Variants in MECOM observed in about 807,000 individuals in gnomAD.
The protein encoded by MECOM is histone-lysine N-methyltransferase MECOM.
In MECOM, 13 loss-of-function variants were observed where a neutral mutation model predicts 116.3. The observed-to-expected ratio is 0.11, with a 90% confidence interval of 0.07 to 0.18. MECOM has a LOEUF of 0.18. Among genes scored for constraint, MECOM ranks in the 10% least tolerant of loss-of-function variants. MECOM has a pLI of 1.00. For synonymous variants in MECOM, 528 were observed against 535.2 expected (o/e 0.99, Z 0.19); for missense variants, 1,299 against 1,509.0 (o/e 0.86, Z 2.31).
At chr3:169,108,029 T>G in intron 9 of MECOM, 77 bp from the exon 10 acceptor site, 1 of 1,250,210 alleles carries the variant, frequency 8.0e-7, no homozygotes, top group Non-Finnish European at 1.2e-6. Flanking sequence ...CTTTGAGAAA[T>G]TAACATTTGT....
chr3:169,186,822 A>C (rs1403694671), intron 2 of MECOM, among the ~76,000 whole-genome samples: 1 of 152,106 alleles, frequency 6.6e-6, no homozygotes, highest in African/African-American at 2.4e-5. Context: ...TGAGAGAGGC[A>C]AGCAAAGGTG....
chr3:169,364,945 T>C (rs1728906159), intron 2 of MECOM, among the ~76,000 whole-genome samples: 1 of 152,084 alleles, frequency 6.6e-6, no homozygotes, highest in Admixed American at 6.6e-5. Context: ...TCATAATAAA[T>C]GTTTTCTAAC....
intron 2 of MECOM, among the ~76,000 whole-genome samples, chr3:169,347,914 C>T (rs1404856790): frequency 2.0e-5 from 3 of 151,988 alleles, no homozygotes; most frequent in Admixed American, 1.3e-4. Flanking sequence ...CTTGAGCAGT[C>T]TGCCATCCCA....
At chr3:169,127,531 T>C (rs1486773473) in intron 5 of MECOM, among the ~76,000 whole-genome samples, 2 of 152,294 alleles carry the variant, frequency 1.3e-5, no homozygotes, top group African/African-American at 4.8e-5. Context: ...ATATGATTAC[T>C]TTAATTTGTT....
intron 2 of MECOM, among the ~76,000 whole-genome samples, chr3:169,254,227 G>T (rs952542106): frequency 6.6e-6 from 1 of 152,090 alleles, no homozygotes; most frequent in African/African-American, 2.4e-5. Context: ...ATGTCGTAGG[G>T]AGTCAGTCTA....
chr3:169,479,147 T>C (rs1297941796), intron 1 of MECOM, among the ~76,000 whole-genome samples: 1 of 152,072 alleles, frequency 6.6e-6, no homozygotes, highest in African/African-American at 2.4e-5. Context: ...ATGTGATAAG[T>C]AGCAGGAGGA....
Position 169,378,482 on chromosome 3 carries a change from AG to A in MECOM, c.375+2704del, listed in dbSNP as rs1560197336. Among the ~76,000 whole-genome samples, 49 of 43,896 alleles carry A rather than the reference AG, an allele frequency of 1.1e-3. 2 individuals carry two copies. Among genetic ancestry groups the A allele is most frequent in the African/African-American group, 8.1e-3 (34 of 4,208 alleles). 28.8% of individuals were successfully genotyped at this position (43,896 alleles called of 152,430 possible). A position where few individuals can be genotyped will look rare whatever the true frequency, so the allele number is the denominator to read the frequency against. ...GCAAGCAAGCAAGCAAGCAAGAAAG[AG>A]AGAGAGAAAGAAAGAAAGAAAGAAA... On this transcript the variant is annotated intron_variant, in intron 2 of 16. Transcript: ENST00000651503.
rs1337161657 is a variant in MECOM, at chr3:169,433,653, G to GAAAGAAAGAA, written c.38-52139_38-52130dup. Among the ~76,000 whole-genome samples the GAAAGAAAGAA allele has an allele frequency of 6.4e-4, 83 of 130,102 alleles. 1 individual carries two copies. The highest frequency in any genetic ancestry group is 2.4e-3 in the African/African-American group (79 of 33,486). The allele number at this position is 130,102 out of a possible 152,430, so 85.4% of individuals were successfully genotyped here. ...AGAAAGAGAAAGAGAAAGAAAGAAA[G>GAAAGAAAGAA]AAAGAAAGAAAGAAAGAAAGAAAGA... is the stretch of plus-strand genomic sequence containing the variant. On this transcript the variant is annotated intron_variant, in intron 1 of 16. Coordinates refer to ENST00000651503, the MANE Select transcript of MECOM (RefSeq NM_004991.4).
chr3:169,441,887 C>T (rs879376888), intron 1 of MECOM, among the ~76,000 whole-genome samples: 11 of 151,518 alleles, frequency 7.3e-5, no homozygotes, highest in Non-Finnish European at 1.3e-4. Flanking sequence ...CCCACCACCA[C>T]GCCTGGCTAA....
chr3:169,357,955 T>A (rs1290521617), intron 2 of MECOM, among the ~76,000 whole-genome samples: 1 of 151,764 alleles, frequency 6.6e-6, no homozygotes, highest in Admixed American at 6.6e-5. Flanking sequence ...TACTAATTAA[T>A]TAATAATGAA....
At chr3:169,254,965 C>T (rs73032757) in intron 2 of MECOM, among the ~76,000 whole-genome samples, 2,158 of 152,090 alleles carry the variant, frequency 0.014, 52 homozygotes, top group African/African-American at 0.049. Context: ...TGCTGCTAGC[C>T]GACCATGGAG....
chr3:169,651,252 C>A (rs1774871859), intron 1 of MECOM, among the ~76,000 whole-genome samples: 1 of 152,194 alleles, frequency 6.6e-6, no homozygotes, highest in South Asian at 2.1e-4. Context: ...AATGCCTTTT[C>A]TGCATCTATT....
chr3:169,434,211 A>C (rs1016616677), intron 1 of MECOM, among the ~76,000 whole-genome samples: 1 of 152,204 alleles, frequency 6.6e-6, no homozygotes, highest in Non-Finnish European at 1.5e-5. Flanking sequence ...TTTTCATTTG[A>C]ACATTCTGGG....
chr3:169,629,915 A>C (rs1221027014), intron 1 of MECOM, among the ~76,000 whole-genome samples: 1 of 152,208 alleles, frequency 6.6e-6, no homozygotes, highest in African/African-American at 2.4e-5. Context: ...CATCCATCAA[A>C]GCGGAGCCTC....
At chr3:169,144,450 G>A (rs987528331) in intron 2 of MECOM, among the ~76,000 whole-genome samples, 1 of 152,106 alleles carries the variant, frequency 6.6e-6, no homozygotes, top group African/African-American at 2.4e-5. Context: ...ACATGTCAAC[G>A]CATGTTTCAA....
intron 2 of MECOM, among the ~76,000 whole-genome samples, chr3:169,285,382 C>T (rs767278311): frequency 6.6e-6 from 1 of 152,218 alleles, no homozygotes. Flanking sequence ...ACAGACCCCA[C>T]CAGAGCTTTC....
intron 1 of MECOM, among the ~76,000 whole-genome samples, chr3:169,590,034 T>A (rs1489664204): frequency 6.6e-6 from 1 of 152,132 alleles, no homozygotes; most frequent in East Asian, 1.9e-4. Context: ...GAACTATGAA[T>A]CTCCACATGC....
intron 1 of MECOM, among the ~76,000 whole-genome samples, chr3:169,385,149 C>T (rs1212635128): frequency 6.6e-6 from 1 of 151,716 alleles, no homozygotes; most frequent in Non-Finnish European, 1.5e-5. Context: ...CATCTGTGCC[C>T]TCCCACTGGC....
At chr3:169,459,932 A>C (rs1414838261) in intron 1 of MECOM, among the ~76,000 whole-genome samples, 2 of 152,132 alleles carry the variant, frequency 1.3e-5, no homozygotes, top group Non-Finnish European at 2.9e-5. Flanking sequence ...CGAAAGACTA[A>C]AGTTAATCTT....
Sources: gnomAD v4.1 joint callset for allele counts (sites outside exome capture counted in the v4.1 genomes callset) on GRCh38, gnomAD v4.1.1 for gene constraint, MANE v1.5 for transcripts, NCBI Gene and HGNC (gene_info 2026-07-23, HGNC 2026-07-21) for gene names.